The following MAGI3 variants were observed in gnomAD, a reference collection of about 807,000 sequenced individuals.
The protein encoded by MAGI3 is membrane-associated guanylate kinase, WW and PDZ domain-containing protein 3.
In MAGI3, 43 loss-of-function variants were observed where a neutral mutation model predicts 121.8. The ratio of observed to expected loss-of-function variants is 0.35; its 90% CI spans 0.28 to 0.46. MAGI3 has a LOEUF of 0.46. Ranked by LOEUF, MAGI3 falls within the 20% of genes least tolerant of loss-of-function variation. The pLI, the probability that MAGI3 is intolerant of heterozygous loss-of-function variation, is 1.00. For synonymous variants in MAGI3, 553 were observed against 639.3 expected, an observed-to-expected ratio of 0.86 and a Z score of 2.04; for missense variants, 1,547 against 1,797.3, an observed-to-expected ratio of 0.86 and a Z score of 2.52.
chr1:113,623,930 C>T (rs1052259288), intron 9 of MAGI3, among the ~76,000 whole-genome samples: 2 of 152,160 alleles, frequency 1.3e-5, no homozygotes, highest in Non-Finnish European at 2.9e-5. Context: ...TAATTTTTAG[C>T]ATCCACAAAG....
chr1:113,398,781 C>T (rs556573492), intron 1 of MAGI3, among the ~76,000 whole-genome samples: 41 of 151,798 alleles, frequency 2.7e-4, no homozygotes, highest in Non-Finnish European at 5.6e-4. Flanking sequence ...GCTTTTTCCT[C>T]CAATAAAATA....
chr1:113,681,115 T>A, intron 19 of MAGI3, 83 bp from the exon 20 acceptor site: 1 of 1,516,458 alleles, frequency 6.6e-7, no homozygotes, highest in Non-Finnish European at 8.9e-7. Context: ...CTTAGCAAGG[T>A]TGAATGGCTC....
In MAGI3 at chr1:113,622,981, GA is replaced by G; in HGVS notation, c.1351del (p.Ile451LeufsTer8). On this transcript the variant is annotated frameshift_variant, in exon 9 of 21. Transcript: ENST00000307546. LOFTEE classifies it high-confidence loss of function. The stretch of plus-strand genomic sequence containing the variant: ...AAGATGGTCCCGCAGCTCAGGATGG[GA>G]AAATTGCACCAGGTAAGAAATTTTT... The part of the protein sequence containing the change: ...LKDGPAAQDG[K>X]IAPGDVIVDI... 1 of 1,517,692 alleles carries G rather than the reference GA, an allele frequency of 6.6e-7. No individual in the cohort carries two copies. Among genetic ancestry groups the G allele is most frequent in the Non-Finnish European group, 8.8e-7 (1 of 1,141,430 alleles). 94.0% of individuals were successfully genotyped at this position (1,517,692 alleles called of 1,614,324 possible). A position where few individuals can be genotyped will look rare whatever the true frequency, so the allele number is the denominator to read the frequency against.
intron 1 of MAGI3, among the ~76,000 whole-genome samples, chr1:113,527,651 T>C (rs1445057149): frequency 6.6e-6 from 1 of 152,126 alleles, no homozygotes. Context: ...CATTCATCTA[T>C]TGAGGAAACT....
chr1:113,634,780 G>A (rs899126884), intron 9 of MAGI3, among the ~76,000 whole-genome samples: 2 of 152,086 alleles, frequency 1.3e-5, no homozygotes, highest in African/African-American at 2.4e-5. Context: ...AAAGTCATTG[G>A]TAGCTTGATG....
chr1:113,607,066 C>G (rs887082477), intron 6 of MAGI3, among the ~76,000 whole-genome samples: 1 of 152,034 alleles, frequency 6.6e-6, no homozygotes, highest in African/African-American at 2.4e-5. Flanking sequence ...TTGGATTATT[C>G]TTGGTCTTTC....
intron 19 of MAGI3, among the ~76,000 whole-genome samples, chr1:113,676,632 A>G (rs1012725105): frequency 7.2e-5 from 11 of 152,156 alleles, no homozygotes; most frequent in Admixed American, 2.0e-4. Flanking sequence ...AGGGCTTTGC[A>G]TATAACTAGT....
intron 1 of MAGI3, among the ~76,000 whole-genome samples, chr1:113,395,241 T>C (rs1253662928): frequency 3.3e-5 from 5 of 151,698 alleles, no homozygotes; most frequent in African/African-American, 1.2e-4. Context: ...TCTTCGTACC[T>C]TTTTTAAAAC....
intron 2 of MAGI3, among the ~76,000 whole-genome samples, chr1:113,567,309 G>GAA (rs1306957731): frequency 6.6e-6 from 1 of 151,970 alleles, no homozygotes; most frequent in Non-Finnish European, 1.5e-5. Flanking sequence ...TCCCAACAAA[G>GAA]AAAAGCCCAG....
chr1:113,617,474 G>A (rs1173126314), intron 7 of MAGI3, among the ~76,000 whole-genome samples: 1 of 151,818 alleles, frequency 6.6e-6, no homozygotes, highest in Non-Finnish European at 1.5e-5. Flanking sequence ...TTTTTGAGTG[G>A]CATTTTAGTC....
intron 1 of MAGI3, among the ~76,000 whole-genome samples, chr1:113,497,271 C>T (rs1323180877): frequency 1.7e-5 from 2 of 119,406 alleles, no homozygotes; most frequent in Non-Finnish European, 3.6e-5. Context: ...ACGCAGAAGA[C>T]GGGTGATTTC....
At chr1:113,610,512 G>T (rs1310896791) in intron 6 of MAGI3, among the ~76,000 whole-genome samples, 1 of 152,050 alleles carries the variant, frequency 6.6e-6, no homozygotes, top group Non-Finnish European at 1.5e-5. Flanking sequence ...CCAAGAGCTT[G>T]TTATTTATCT....
intron 1 of MAGI3, among the ~76,000 whole-genome samples, chr1:113,505,069 A>G (rs1399243778): frequency 6.6e-6 from 1 of 152,166 alleles, no homozygotes; most frequent in Non-Finnish European, 1.5e-5. Flanking sequence ...AAAGAGAAGA[A>G]TTCATACTCA....
In MAGI3 at chr1:113,681,262, T is replaced by C; in HGVS notation, c.3254T>C (p.Ile1085Thr). ...PTQGITHTRA[I>T]ELIQAGGNKV... The stretch of plus-strand genomic sequence containing the variant: ...CAAGGAATCACACATACTCGAGCAA[T>C]TGAGCTCATTCAGGCTGGTGGAAAT... The change falls in exon 20 of 21, where the codon ATT (isoleucine) becomes ACT (threonine). Residue 1085 changes from isoleucine to threonine, a missense_variant. Physicochemically the swap from Ile to Thr is moderately conservative, Grantham distance 89. Transcript: ENST00000307546. The C allele has an allele frequency of 1.9e-6, 3 of 1,614,128 alleles. No homozygotes were observed. Among genetic ancestry groups the C allele is most frequent in the Non-Finnish European group, 2.5e-6 (3 of 1,179,998 alleles).
intron 1 of MAGI3, among the ~76,000 whole-genome samples, chr1:113,477,052 T>G (rs890751605): frequency 2.1e-4 from 23 of 107,084 alleles, no homozygotes; most frequent in African/African-American, 6.3e-4. Flanking sequence ...CACCCCTGCT[T>G]TTTTTTTTTT....
intron 1 of MAGI3, among the ~76,000 whole-genome samples, chr1:113,549,184 A>G (rs1235453707): frequency 6.6e-6 from 1 of 152,230 alleles, no homozygotes; most frequent in Non-Finnish European, 1.5e-5. Flanking sequence ...GATACATGAT[A>G]TGAATGTGGA....
Position 113,390,974 on chromosome 1 carries a change from G to A in MAGI3, c.-60G>A. ...CCCAGGGCCCCCGGGCTGAGACGGG[G>A]CCGGAGCGGCGCCCCGGCCGCCCGC... On this transcript the variant is annotated 5_prime_UTR_variant, in exon 1 of 21. Transcript: ENST00000307546. The A allele has an allele frequency of 4.1e-6, 6 of 1,449,048 alleles. No individual in the cohort carries two copies. Among genetic ancestry groups the A allele is most frequent in the African/African-American group, 1.5e-5 (1 of 67,012 alleles). 89.8% of individuals were successfully genotyped at this position (1,449,048 alleles called of 1,614,324 possible). A position where few individuals can be genotyped will look rare whatever the true frequency, so the allele number is the denominator to read the frequency against.
Position 113,516,390 on chromosome 1 carries a change from C to CAAA in MAGI3, c.317-33103_317-33101dup, listed in dbSNP as rs60186333. Among the ~76,000 whole-genome samples, 648 of 70,448 alleles carry CAAA rather than the reference C, an allele frequency of 9.2e-3. 1 individual carries two copies. Among genetic ancestry groups the CAAA allele is most frequent in the East Asian group, 0.037 (78 of 2,090 alleles). The allele number at this position is 70,448 out of a possible 152,430, so 46.2% of individuals were successfully genotyped here. ...GTGCCAGAAACTAAGGAAGTTCTCA[C>CAAA]AAAAAAAAAAAAAAAAAAAAAAAAG... On this transcript the variant is annotated intron_variant, in intron 1 of 20. Coordinates refer to ENST00000307546, the MANE Select transcript of MAGI3 (RefSeq NM_001142782.2).
chr1:113,424,559 A>G (rs934339413), intron 1 of MAGI3, among the ~76,000 whole-genome samples: 2 of 152,198 alleles, frequency 1.3e-5, no homozygotes, highest in Non-Finnish European at 2.9e-5. Flanking sequence ...CAATGGAATT[A>G]TGTGATATAT....
Sources: allele counts gnomAD v4.1 joint callset (sites outside exome capture counted in the v4.1 genomes callset), GRCh38; gene constraint gnomAD v4.1.1; transcripts MANE v1.5; gene names NCBI Gene and HGNC (gene_info 2026-07-23, HGNC 2026-07-21).